FARS2: variants seen among roughly 807,000 people sequenced by gnomAD.
FARS2 encodes phenylalanyl-tRNA synthetase 2, mitochondrial, also known as phenylalanine--tRNA ligase, mitochondrial.
Under a neutral mutation model 46.4 loss-of-function variants are expected in FARS2, and 40 were observed. That is an observed-to-expected ratio of 0.86 (90% CI 0.67 to 1.12). The LOEUF is 1.12. FARS2 is among the 50% of genes most tolerant of loss of function. The probability of loss-of-function intolerance (pLI) is 0.00; values close to 1 mark genes in which losing one functional copy is unlikely to be tolerated. For missense variants in FARS2, 513 were observed against 567.9 expected (o/e 0.90, Z 0.98); for synonymous variants, 234 against 214.9 (o/e 1.09, Z -0.78).
intron 6 of FARS2, among the ~76,000 whole-genome samples, chr6:5,670,761 AAGTGCTGCCATGC>A (rs1778413347): frequency 6.6e-6 from 1 of 152,132 alleles, no homozygotes; most frequent in Non-Finnish European, 1.5e-5. Context: ...CACACTTTTT[AAGTGCTGCCATGC>A]AGTGTCATCG....
chr6:5,707,897 G>A (rs1405079605), intron 6 of FARS2, among the ~76,000 whole-genome samples: 1 of 152,246 alleles, frequency 6.6e-6, no homozygotes, highest in Non-Finnish European at 1.5e-5. Flanking sequence ...AAGCAGCGGG[G>A]TGCCGCCGTG....
intron 6 of FARS2, among the ~76,000 whole-genome samples, chr6:5,705,593 G>A (rs1323546566): frequency 6.6e-6 from 1 of 152,210 alleles, no homozygotes; most frequent in Non-Finnish European, 1.5e-5. Context: ...AGGGCACAGT[G>A]CTTCCGCATT....
chr6:5,298,962 G>A (rs927882948), intron 1 of FARS2, among the ~76,000 whole-genome samples: 5 of 151,946 alleles, frequency 3.3e-5, no homozygotes, highest in African/African-American at 9.7e-5. Flanking sequence ...CATATGAAGG[G>A]AATTTCTTCT....
At chr6:5,310,397 T>G (rs1769004447) in intron 1 of FARS2, among the ~76,000 whole-genome samples, 1 of 150,802 alleles carries the variant, frequency 6.6e-6, no homozygotes, top group Non-Finnish European at 1.5e-5. Context: ...ATATAAAATT[T>G]AGGTTTAAGG....
intron 6 of FARS2, among the ~76,000 whole-genome samples, chr6:5,689,416 T>C (rs1296001964): frequency 6.6e-6 from 1 of 152,188 alleles, no homozygotes; most frequent in African/African-American, 2.4e-5. Flanking sequence ...TCTCGTTGGT[T>C]TCAAAGAACA....
chr6:5,347,576 C>G (rs1042550877), intron 1 of FARS2, among the ~76,000 whole-genome samples: 1 of 152,090 alleles, frequency 6.6e-6, no homozygotes, highest in African/African-American at 2.4e-5. Flanking sequence ...TGATGGATAT[C>G]TGGACTGCAT....
chr6:5,691,364 T>C (rs1371096574), intron 6 of FARS2, among the ~76,000 whole-genome samples: 1 of 152,188 alleles, frequency 6.6e-6, no homozygotes, highest in South Asian at 2.1e-4. Flanking sequence ...CAGATGGGGT[T>C]TTGGTGTGGA....
intron 4 of FARS2, among the ~76,000 whole-genome samples, chr6:5,543,264 T>G (rs965916622): frequency 2.0e-5 from 3 of 152,186 alleles, no homozygotes; most frequent in African/African-American, 7.2e-5. Flanking sequence ...AATGAAGCCT[T>G]TTCCCTCCTG....
chr6:5,521,780 T>G (rs1358321139), intron 4 of FARS2, among the ~76,000 whole-genome samples: 2 of 152,344 alleles, frequency 1.3e-5, no homozygotes, highest in East Asian at 3.9e-4. Context: ...TCAAGGATTT[T>G]CTTTTTTCAT....
chr6:5,418,460 T>A (rs1460152339), intron 3 of FARS2, among the ~76,000 whole-genome samples: 2 of 152,238 alleles, frequency 1.3e-5, no homozygotes, highest in African/African-American at 4.8e-5. Context: ...GAGACCTGTC[T>A]TAGCTCTGTA....
At chr6:5,466,103 G>A (rs530553864) in intron 4 of FARS2, among the ~76,000 whole-genome samples, 10 of 152,126 alleles carry the variant, frequency 6.6e-5, no homozygotes, top group East Asian at 1.9e-4. Context: ...TTTCAACGGC[G>A]ATGGGTAATG....
intron 6 of FARS2, among the ~76,000 whole-genome samples, chr6:5,743,282 C>T (rs532585482): frequency 2.0e-5 from 3 of 152,212 alleles, no homozygotes; most frequent in African/African-American, 7.2e-5. Context: ...CTTCAAATGA[C>T]CACATTGGAA....
At chr6:5,285,038 G>T (rs1767008449) in intron 1 of FARS2, among the ~76,000 whole-genome samples, 1 of 152,214 alleles carries the variant, frequency 6.6e-6, no homozygotes, top group Admixed American at 6.5e-5. Context: ...TGTGTGGAGT[G>T]CCTTCCATGT....
At chr6:5,279,152 C>T (rs547405069) in intron 1 of FARS2, among the ~76,000 whole-genome samples, 11 of 151,960 alleles carry the variant, frequency 7.2e-5, no homozygotes, top group Admixed American at 3.9e-4. Context: ...CCTAGGCGGG[C>T]GGATCATGAG....
chr6:5,669,316 C>T (rs6918383), intron 6 of FARS2, among the ~76,000 whole-genome samples: 70,229 of 151,410 alleles, frequency 0.46, 16,698 homozygotes, highest in East Asian at 0.7. Context: ...AAGTTGCTCC[C>T]GCAGGTCCCA....
chr6:5,615,008 C>G (rs773291781), intron 6 of FARS2, among the ~76,000 whole-genome samples: 83 of 152,266 alleles, frequency 5.5e-4, no homozygotes, highest in Non-Finnish European at 1.1e-3. Flanking sequence ...TGATGCCATA[C>G]TTGATCTTTT....
intron 6 of FARS2, among the ~76,000 whole-genome samples, chr6:5,678,604 A>G (rs1778880623): frequency 6.6e-6 from 1 of 152,134 alleles, no homozygotes; most frequent in African/African-American, 2.4e-5. Context: ...GATTCACCTC[A>G]TTTCACACAT....
At chr6:5,361,859 C>T (rs968684845) in intron 1 of FARS2, among the ~76,000 whole-genome samples, 1 of 152,148 alleles carries the variant, frequency 6.6e-6, no homozygotes, top group Non-Finnish European at 1.5e-5. Flanking sequence ...CAGTCCAGTA[C>T]AGTTTGTGTA....
intron 1 of FARS2, among the ~76,000 whole-genome samples, chr6:5,367,915 G>A (rs1413734339): frequency 6.6e-6 from 1 of 152,090 alleles, no homozygotes; most frequent in Non-Finnish European, 1.5e-5. Context: ...AAATATTAAA[G>A]TTAACCACAA....
Sources: gnomAD v4.1 joint callset for allele counts (sites outside exome capture counted in the v4.1 genomes callset) on GRCh38, gnomAD v4.1.1 for gene constraint, MANE v1.5 for transcripts, NCBI Gene and HGNC (gene_info 2026-07-23, HGNC 2026-07-21) for gene names.